The following ZNHIT3 variants were observed in gnomAD, a reference collection of about 807,000 sequenced individuals.
The protein encoded by ZNHIT3 is zinc finger HIT-type containing 3.
A neutral mutation model predicts 19.9 loss-of-function variants in ZNHIT3; 27 were observed. That is an observed-to-expected ratio of 1.36 (90% CI 1.00 to 1.87). The LOEUF (loss-of-function observed/expected upper bound fraction) is 1.87, where lower values mean the gene tolerates loss of function less well. Ranked by LOEUF, ZNHIT3 falls within the 40% of genes most tolerant of loss-of-function variation. The pLI, the probability that ZNHIT3 is intolerant of heterozygous loss-of-function variation, is 0.00. For synonymous variants in ZNHIT3, 81 were observed against 65.7 expected, an observed-to-expected ratio of 1.23 and a Z score of -1.13; for missense variants, 215 against 185.6, an observed-to-expected ratio of 1.16 and a Z score of -0.92.
At chr17:36,491,020 C>T (rs1385744229) in intron 2 of ZNHIT3, 1 of 152,108 alleles carries the variant, frequency 6.6e-6, no homozygotes, top group African/African-American at 2.4e-5. Context: ...GATGAAGTCT[C>T]ACTGTATTGC....
chr17:36,486,800 C>T lies in ZNHIT3; in HGVS notation c.86+15C>T. On this transcript the variant is annotated intron_variant, in intron 1 of 4. Coordinates refer to ENST00000617429, the MANE Select transcript of ZNHIT3 (RefSeq NM_004773.4). Reference sequence around the variant, plus strand: ...CGCGTGCCCTAGTGAGCGGGGAGGTCGCGGGGTCCAGGGGCGCGGGTGTCC... The same window carrying T: ...CGCGTGCCCTAGTGAGCGGGGAGGTTGCGGGGTCCAGGGGCGCGGGTGTCC... 8 of 1,583,836 alleles carry T rather than the reference C, an allele frequency of 5.1e-6. No individual in the cohort carries two copies. Among genetic ancestry groups the T allele is most frequent in the Non-Finnish European group, 6.9e-6 (8 of 1,162,396 alleles).
intron 3 of ZNHIT3, among the ~76,000 whole-genome samples, chr17:36,493,446 C>G (rs955683920): frequency 6.6e-5 from 10 of 152,252 alleles, no homozygotes; most frequent in African/African-American, 9.6e-5. Context: ...AACATTCACT[C>G]CAAAGGCATG....
rs377271926 is a variant in ZNHIT3, at chr17:36,486,783, C to T, written c.84C>T (p.Pro28=). Residue 28 remains proline, a splice_region_variant and synonymous_variant, in exon 1 of 5, where the codon CCC becomes CCT. Transcript: ENST00000617429. ...ACCGCTGTCCAGCCTGCCGCGTGCC[C>T]TAGTGAGCGGGGAGGTCGCGGGGTC... The part of the protein sequence containing the change: ...PKYRCPACRV[P]YCSVVCFRKH... The T allele has an allele frequency of 9.3e-6, 15 of 1,612,500 alleles. No individual in the cohort carries two copies. In the African/African-American group the frequency reaches 1.9e-4, roughly 20 times the overall value.
downstream of ZNHIT3, chr17:36,498,826 T>C (rs1859818167): frequency 5.1e-6 from 3 of 593,946 alleles, no homozygotes; most frequent in Non-Finnish European, 6.0e-6. Flanking sequence ...AACCCAGTCT[T>C]CTAAAGTGTA....
intron 3 of ZNHIT3, 147 bp from the exon 4 acceptor site, chr17:36,493,774 GGAGAA>G (rs1019876745): frequency 8.4e-5 from 52 of 615,774 alleles, no homozygotes; most frequent in Non-Finnish European, 1.4e-4. Context: ...CACAGACTCC[GGAGAA>G]GAGGATTTTT....
intron 4 of ZNHIT3, 71 bp downstream of exon 4, chr17:36,494,077 A>G (rs1451293406): frequency 7.8e-7 from 1 of 1,276,866 alleles, no homozygotes; most frequent in East Asian, 2.3e-5. Context: ...ATTTTTTAAA[A>G]AGTTTTTAAT....
chr17:36,494,185 T>C (rs750842298), intron 4 of ZNHIT3, among the ~76,000 whole-genome samples, 179 bp downstream of exon 4: 60 of 152,214 alleles, frequency 3.9e-4, no homozygotes, highest in Non-Finnish European at 7.5e-4. Flanking sequence ...ACACCATTCC[T>C]TCTGCCTGGA....
At chr17:36,493,792 C>A in intron 3 of ZNHIT3, 134 bp from the exon 4 acceptor site, 1 of 647,820 alleles carries the variant, frequency 1.5e-6, no homozygotes, top group South Asian at 1.9e-5. Flanking sequence ...GGATTTTTGT[C>A]TGTACCTGCT....
At chr17:36,497,588 A>AT (rs771602454), downstream of ZNHIT3, 101 of 971,952 alleles carry the variant, frequency 1.0e-4, no homozygotes, top group African/African-American at 1.8e-3. Context: ...CCTAAACCAA[A>AT]CTTTTTTTTT....
intron 4 of ZNHIT3, among the ~76,000 whole-genome samples, chr17:36,494,597 T>C (rs903613624): frequency 2.0e-5 from 3 of 152,242 alleles, no homozygotes; most frequent in Admixed American, 1.3e-4. Context: ...CACAGAATCA[T>C]GTTAAAAGGT....
chr17:36,498,180 T>C, downstream of ZNHIT3: 1 of 1,460,228 alleles, frequency 6.8e-7, no homozygotes, highest in Non-Finnish European at 9.3e-7. Context: ...TGTCCCAGCC[T>C]CAGTCTCATT....
intron 4 of ZNHIT3, 79 bp downstream of exon 4, chr17:36,494,085 A>G (rs972171070): frequency 5.3e-6 from 6 of 1,130,356 alleles, no homozygotes; most frequent in Middle Eastern, 5.0e-4. Context: ...AAAAGTTTTT[A>G]ATTTCTTGAA....
downstream of ZNHIT3, chr17:36,496,514 T>TAG (rs1238692462): frequency 9.8e-7 from 1 of 1,018,954 alleles, no homozygotes; most frequent in Non-Finnish European, 1.5e-6. Flanking sequence ...GGACAAGTAC[T>TAG]AGTATTGGGG....
chr17:36,498,004 G>C (rs1316942427), downstream of ZNHIT3: 1 of 480,438 alleles, frequency 2.1e-6, no homozygotes, highest in African/African-American at 1.9e-5. Flanking sequence ...ATTGCATTTG[G>C]AAATGGGACT....
At chr17:36,492,958 A>G (rs1174003511) in intron 3 of ZNHIT3, 59 bp downstream of exon 3, 1 of 1,489,460 alleles carries the variant, frequency 6.7e-7, no homozygotes, top group Non-Finnish European at 9.3e-7. Flanking sequence ...AAGTCGAAGG[A>G]AAAGGGGAGA....
At chr17:36,487,848 A>G (rs150936788) in intron 2 of ZNHIT3, among the ~76,000 whole-genome samples, 2,205 of 150,374 alleles carry the variant, frequency 0.015, 30 homozygotes, top group African/African-American at 0.042. Flanking sequence ...TCACGCCTGT[A>G]ATCCCAGCAC....
downstream of ZNHIT3, chr17:36,499,184 G>C (rs1479629779): frequency 1.9e-6 from 3 of 1,574,616 alleles, no homozygotes; most frequent in East Asian, 2.3e-5. Flanking sequence ...CCAGAAACAG[G>C]AAAGAGATAA....
At position 36,495,614 on chromosome 17, in the gene ZNHIT3, A is replaced by C. The variant is rs1281692326; in HGVS notation, c.*210A>C. On this transcript the variant is annotated 3_prime_UTR_variant, in exon 5 of 5. Coordinates refer to ENST00000617429, the MANE Select transcript of ZNHIT3 (RefSeq NM_004773.4). ...TTAAGGTGGCAAGTCCTTTATGGAG[A>C]GAAAACTTGACATTCAGATGATTGT... The C allele has an allele frequency of 7.8e-7, 1 of 1,289,560 alleles. No homozygotes were observed. The highest frequency in any genetic ancestry group is 9.8e-7 in the Non-Finnish European group (1 of 1,021,886). 79.9% of individuals were successfully genotyped at this position (1,289,560 alleles called of 1,614,324 possible).
chr17:36,495,834 T>TTA, downstream of ZNHIT3: 7 of 1,241,936 alleles, frequency 5.6e-6, no homozygotes, highest in Non-Finnish European at 7.0e-6. Flanking sequence ...TTTTGTTCCT[T>TTA]TTTAAAGGAA....
Sources: allele counts gnomAD v4.1 joint callset (sites outside exome capture counted in the v4.1 genomes callset), GRCh38; gene constraint gnomAD v4.1.1; transcripts MANE v1.5; gene names NCBI Gene and HGNC (gene_info 2026-07-23, HGNC 2026-07-21).